Variants in DIP2C observed in about 807,000 individuals in gnomAD.
DIP2C encodes DIP2 acetate--CoA ligase C (putative), also known as disco-interacting protein 2 homolog C.
Under a neutral mutation model 192.4 loss-of-function variants are expected in DIP2C, and 33 were observed. That is an observed-to-expected ratio of 0.17 (90% CI 0.13 to 0.23). The LOEUF is 0.23. Among genes scored for constraint, DIP2C ranks in the 10% least tolerant of loss-of-function variants. The probability of loss-of-function intolerance (pLI) is 1.00; values close to 1 mark genes in which losing one functional copy is unlikely to be tolerated. For missense variants in DIP2C, 1,537 were observed against 2,110.1 expected, an observed-to-expected ratio of 0.73 and a Z score of 5.32; for synonymous variants, 979 against 864.1, an observed-to-expected ratio of 1.13 and a Z score of -2.33.
intron 1 of DIP2C, among the ~76,000 whole-genome samples, chr10:513,958 C>A (rs1027819187): frequency 8.5e-5 from 13 of 152,208 alleles, no homozygotes; most frequent in Non-Finnish European, 1.6e-4. Flanking sequence ...GCAGAAAAAA[C>A]AGTGCTGAAA....
chr10:590,501 C>T (rs558649614), intron 1 of DIP2C, among the ~76,000 whole-genome samples: 3 of 152,186 alleles, frequency 2.0e-5, no homozygotes, highest in Non-Finnish European at 2.9e-5. Flanking sequence ...TACGGCATAT[C>T]GACATGTTCC....
intron 1 of DIP2C, among the ~76,000 whole-genome samples, chr10:575,129 A>C (rs568867153): frequency 6.6e-6 from 1 of 152,274 alleles, no homozygotes; most frequent in Admixed American, 6.5e-5. Flanking sequence ...CAACGTTCTC[A>C]ACTTTACCTT....
intron 19 of DIP2C, among the ~76,000 whole-genome samples, chr10:365,272 C>A (rs991480664): frequency 1.1e-4 from 16 of 152,334 alleles, no homozygotes; most frequent in Non-Finnish European, 1.6e-4. Flanking sequence ...GTGGCTCATG[C>A]CTGTAATCCC....
At chr10:342,029 G>C (rs566058976) in intron 28 of DIP2C, among the ~76,000 whole-genome samples, 4 of 152,168 alleles carry the variant, frequency 2.6e-5, no homozygotes, top group Non-Finnish European at 5.9e-5. Context: ...ATTTTCACTG[G>C]AGTTCTCATT....
Position 578,817 on chromosome 10 carries a change from A to G in DIP2C, c.86-92287T>C, listed in dbSNP as rs550007747. On this transcript the variant is annotated intron_variant, in intron 1 of 36. Transcript: ENST00000280886. ...TGCACTATAACATGTGTGCATGCAT[A>G]GAGAGCACACACATCCAGATCCATA... Among the ~76,000 whole-genome samples, 11 of 151,828 alleles carry G rather than the reference A, an allele frequency of 7.2e-5. No homozygotes were observed. In the South Asian group the frequency reaches 2.3e-3, roughly 32 times the overall value.
chr10:509,171 T>G (rs961063634), intron 1 of DIP2C, among the ~76,000 whole-genome samples: 2 of 152,128 alleles, frequency 1.3e-5, no homozygotes, highest in African/African-American at 4.8e-5. Flanking sequence ...TTTTTTAGAC[T>G]GACTGTAATT....
intron 1 of DIP2C, among the ~76,000 whole-genome samples, chr10:514,478 C>T (rs112445278): frequency 0.016 from 2,391 of 152,310 alleles, 69 homozygotes; most frequent in African/African-American, 0.055. Context: ...CAGGGCCGTT[C>T]GCAATGTTCA....
At chr10:568,977 AGTTT>A in intron 1 of DIP2C, among the ~76,000 whole-genome samples, 1 of 152,162 alleles carries the variant, frequency 6.6e-6, no homozygotes, top group Non-Finnish European at 1.5e-5. Context: ...GAGCTTTCAA[AGTTT>A]GTTTGAAGTA....
At chr10:373,693 ATG>A (rs1961250525) in intron 17 of DIP2C, among the ~76,000 whole-genome samples, 1 of 152,246 alleles carries the variant, frequency 6.6e-6, no homozygotes, top group Non-Finnish European at 1.5e-5. Flanking sequence ...TGGCTCTGGA[ATG>A]TGTCTAGACT....
At chr10:486,801 C>G (rs953477792) in intron 1 of DIP2C, among the ~76,000 whole-genome samples, 1 of 152,178 alleles carries the variant, frequency 6.6e-6, no homozygotes, top group Admixed American at 6.5e-5. Flanking sequence ...AGGGTTAGAC[C>G]CCTGCCATCT....
chr10:423,601 ACAT>A (rs1210306060), intron 4 of DIP2C, among the ~76,000 whole-genome samples: 1 of 151,880 alleles, frequency 6.6e-6, no homozygotes, highest in Non-Finnish European at 1.5e-5. Flanking sequence ...ATTTATTTCT[ACAT>A]CAGTGTGTTA....
At position 526,042 on chromosome 10, in the gene DIP2C, G is replaced by A. The variant is rs186461234; in HGVS notation, c.86-39512C>T. 2.0e-3 allele frequency among the ~76,000 whole-genome samples: 303 copies of A among 152,332 alleles called. 1 individual carries two copies. The highest frequency in any genetic ancestry group is 0.01 in the Middle Eastern group (3 of 294). On this transcript the variant is annotated intron_variant, in intron 1 of 36. Coordinates refer to ENST00000280886, the MANE Select transcript of DIP2C (RefSeq NM_014974.3). ...CTGGCGTGGATTTTCCTTAATTGCC[G>A]ATGCTGCGCTCCTCTGTGCCTACAC...
At chr10:541,182 C>T (rs1847965422) in intron 1 of DIP2C, among the ~76,000 whole-genome samples, 1 of 152,114 alleles carries the variant, frequency 6.6e-6, no homozygotes, top group African/African-American at 2.4e-5. Context: ...GTACCAAACA[C>T]GTTCTACCAC....
intron 18 of DIP2C, among the ~76,000 whole-genome samples, chr10:368,786 C>G (rs1960607252): frequency 6.6e-6 from 1 of 152,222 alleles, no homozygotes; most frequent in Non-Finnish European, 1.5e-5. Flanking sequence ...CTGGAGGGCT[C>G]AGCAGGAGAC....
At chr10:435,765 T>C (rs1967129036) in intron 4 of DIP2C, among the ~76,000 whole-genome samples, 1 of 152,240 alleles carries the variant, frequency 6.6e-6, no homozygotes, top group African/African-American at 2.4e-5. Flanking sequence ...TAATAAAAAG[T>C]GTCTTCCCTT....
chr10:605,553 G>A (rs936573337), intron 1 of DIP2C, among the ~76,000 whole-genome samples: 3 of 152,188 alleles, frequency 2.0e-5, no homozygotes, highest in Admixed American at 6.5e-5. Flanking sequence ...CCGAATCTGT[G>A]AAACTTTATT....
Position 414,013 on chromosome 10 carries a change from C to T in DIP2C, c.957G>A (p.Ser319=), listed in dbSNP as rs758527439. Residue 319 remains serine, a synonymous_variant, in exon 8 of 37, where the codon TCG becomes TCA. Coordinates refer to ENST00000280886, the MANE Select transcript of DIP2C (RefSeq NM_014974.3). Reference sequence around the variant, plus strand: ...CCCACCTCTGCAGTGCGGCCTCCAGCGACGGCGGCCAGTTCGTGACCACGC... The same window carrying T: ...CCCACCTCTGCAGTGCGGCCTCCAGTGACGGCGGCCAGTTCGTGACCACGC... ...QLGVVTNWPP[S]LEAALQRWGT... is the part of the protein sequence containing the mutation. 1.9e-6 allele frequency: 3 copies of T among 1,614,092 alleles called. No individual in the cohort carries two copies. Among genetic ancestry groups the T allele is most frequent in the South Asian group, 1.1e-5 (1 of 91,072 alleles).
At chr10:337,694 CTGTGTGTGTGTTGTGGAGGCCTAGGCTGA>C (rs1459280133) in intron 29 of DIP2C, among the ~76,000 whole-genome samples, 27 of 53,554 alleles carry the variant, frequency 5.0e-4, no homozygotes, top group African/African-American at 1.8e-3. Context: ...GCCTAGGCAG[CTGTGTGTGTGTTGTGGAGGCCTAGGCTGA>C]TGTGTGTGTG....
intron 32 of DIP2C, among the ~76,000 whole-genome samples, chr10:289,221 C>CAG (rs1056811353): frequency 7.4e-6 from 1 of 135,530 alleles, no homozygotes; most frequent in African/African-American, 2.5e-5. Flanking sequence ...AGGGTGCGGG[C>CAG]AGGGGGCCTG....
Sources: gnomAD v4.1 joint callset for allele counts (sites outside exome capture counted in the v4.1 genomes callset) on GRCh38, gnomAD v4.1.1 for gene constraint, MANE v1.5 for transcripts, NCBI Gene and HGNC (gene_info 2026-07-23, HGNC 2026-07-21) for gene names.